Variants in C1QTNF3 observed in about 807,000 individuals in gnomAD.
C1QTNF3 encodes C1q and TNF related 3.
C1QTNF3 carries 26 observed loss-of-function variants against 32.6 expected under a neutral mutation model. The observed-to-expected ratio is 0.80, with a 90% CI of 0.58 to 1.11. The LOEUF (loss-of-function observed/expected upper bound fraction) is 1.11. Ranked by LOEUF, C1QTNF3 falls within the 50% of genes least tolerant of loss-of-function variation. The pLI is 0.00. For missense variants in C1QTNF3, 362 were observed against 398.2 expected (o/e 0.91, Z 0.77); for synonymous variants, 155 against 146.0 (o/e 1.06, Z -0.44).
chr5:34,216,896 T>C, the C1QTNF3 span, among the ~76,000 whole-genome samples: 2 of 152,062 alleles, frequency 1.3e-5, no homozygotes, highest in African/African-American at 2.4e-5. Flanking sequence ...TGGTAATAAA[T>C]TGACAAAAAC....
At chr5:34,244,208 GGGACCTGT>G in the C1QTNF3 span, among the ~76,000 whole-genome samples, 2 of 151,624 alleles carry the variant, frequency 1.3e-5, no homozygotes, top group Non-Finnish European at 2.9e-5. Context: ...TTATCGATCA[GGGACCTGT>G]GGATTATGTG....
chr5:34,054,846 CT>C, the C1QTNF3 span, among the ~76,000 whole-genome samples: 1 of 152,154 alleles, frequency 6.6e-6, no homozygotes, highest in Non-Finnish European at 1.5e-5. Context: ...CCATCTCCCC[CT>C]TTTCTCCCTC....
chr5:34,138,993 C>T, the C1QTNF3 span, among the ~76,000 whole-genome samples: 80,183 of 151,456 alleles, frequency 0.53, 22,544 homozygotes, highest in Non-Finnish European at 0.62. Context: ...TAAACCAAGG[C>T]TTCTAAGTGT....
the C1QTNF3 span, chr5:34,169,231 AC>A: frequency 4.6e-5 from 7 of 152,178 alleles, no homozygotes; most frequent in African/African-American, 1.4e-4. Context: ...ACGAATTAAC[AC>A]AATTGTGAGG....
chr5:34,064,057 A>G, the C1QTNF3 span, among the ~76,000 whole-genome samples: 1 of 152,140 alleles, frequency 6.6e-6, no homozygotes, highest in Non-Finnish European at 1.5e-5. Flanking sequence ...TTGAAAGTGG[A>G]AGCTGGTTCT....
the C1QTNF3 span, among the ~76,000 whole-genome samples, chr5:34,120,403 T>C: frequency 3.9e-5 from 6 of 152,134 alleles, no homozygotes; most frequent in East Asian, 1.9e-4. Flanking sequence ...AACTGTATGT[T>C]TGAAAAGAGG....
the C1QTNF3 span, chr5:34,239,503 AAC>A: frequency 9.9e-5 from 15 of 152,028 alleles, no homozygotes; most frequent in Non-Finnish European, 2.1e-4. Context: ...TATCAGATAA[AAC>A]AGACTTTAAT....
chr5:34,145,406 T>C, the C1QTNF3 span, among the ~76,000 whole-genome samples: 4 of 151,972 alleles, frequency 2.6e-5, no homozygotes, highest in Non-Finnish European at 5.9e-5. Context: ...GATATATTCC[T>C]GGAAACAGAT....
chr5:34,081,113 A>G, the C1QTNF3 span, among the ~76,000 whole-genome samples: 1 of 151,716 alleles, frequency 6.6e-6, no homozygotes, highest in Non-Finnish European at 1.5e-5. Context: ...TCTTTGAACA[A>G]GGTTGGTAAA....
chr5:34,140,869 A>G, the C1QTNF3 span, among the ~76,000 whole-genome samples: 1,961 of 152,310 alleles, frequency 0.013, 50 homozygotes, highest in African/African-American at 0.045. Context: ...TAAAGAAAAC[A>G]AAACAAATAA....
At chr5:34,075,816 T>C in the C1QTNF3 span, among the ~76,000 whole-genome samples, 77 of 151,400 alleles carry the variant, frequency 5.1e-4, 3 homozygotes, top group African/African-American at 1.3e-3. Context: ...TTGTTTACGA[T>C]AGCCAAAAGA....
chr5:34,028,133 C>G (rs1335542183), intron 4 of C1QTNF3, among the ~76,000 whole-genome samples: 1 of 152,060 alleles, frequency 6.6e-6, no homozygotes, highest in Non-Finnish European at 1.5e-5. Context: ...CCACCACGCC[C>G]GGCTAATATT....
chr5:34,102,683 A>T, the C1QTNF3 span, among the ~76,000 whole-genome samples: 1 of 152,242 alleles, frequency 6.6e-6, no homozygotes, highest in Non-Finnish European at 1.5e-5. Context: ...TGATGAGTTC[A>T]TGTCCTTTGT....
the C1QTNF3 span, among the ~76,000 whole-genome samples, chr5:34,057,518 C>G: frequency 6.6e-6 from 1 of 152,184 alleles, no homozygotes; most frequent in African/African-American, 2.4e-5. Flanking sequence ...GTCTGGCTAT[C>G]TCTAAGACAT....
At chr5:34,023,176 C>T (rs1561053719) in intron 5 of C1QTNF3, among the ~76,000 whole-genome samples, 1 of 152,188 alleles carries the variant, frequency 6.6e-6, no homozygotes, top group Non-Finnish European at 1.5e-5. Flanking sequence ...TTATAGACAG[C>T]AGAGCTGCTT....
chr5:34,213,740 AG>A, the C1QTNF3 span, among the ~76,000 whole-genome samples: 14 of 136,764 alleles, frequency 1.0e-4, no homozygotes, highest in Non-Finnish European at 1.6e-4. Context: ...ACGTATATAT[AG>A]TGTGTGTATA....
At chr5:34,084,767 T>G in the C1QTNF3 span, among the ~76,000 whole-genome samples, 1 of 142,436 alleles carries the variant, frequency 7.0e-6, no homozygotes, top group African/African-American at 2.8e-5. Context: ...TCTCCCATTC[T>G]GTAGGTTGCC....
chr5:34,136,984 C>T, the C1QTNF3 span, among the ~76,000 whole-genome samples: 1 of 151,706 alleles, frequency 6.6e-6, no homozygotes, highest in Non-Finnish European at 1.5e-5. Context: ...ACATCATACA[C>T]CAGGTCCTGT....
At chr5:34,105,155 A>T in the C1QTNF3 span, among the ~76,000 whole-genome samples, 1 of 152,302 alleles carries the variant, frequency 6.6e-6, no homozygotes, top group South Asian at 2.1e-4. Context: ...ATGCACATTC[A>T]GTTTAATTCT....
Sources: allele counts gnomAD v4.1 joint callset (sites outside exome capture counted in the v4.1 genomes callset), GRCh38; gene constraint gnomAD v4.1.1; transcripts MANE v1.5; gene names NCBI Gene and HGNC (gene_info 2026-07-23, HGNC 2026-07-21).